Variants in ASIC1 observed in about 807,000 individuals in gnomAD.
The protein encoded by ASIC1 is acid-sensing ion channel 1.
ASIC1 carries 21 observed loss-of-function variants against 63.4 expected under a neutral mutation model. The ratio of observed to expected loss-of-function variants is 0.33; its 90% confidence interval spans 0.23 to 0.48. The LOEUF is 0.48. ASIC1 is among the 20% of genes least tolerant of loss of function. ASIC1 has a pLI of 0.99. For missense variants in ASIC1, 478 were observed against 695.5 expected (o/e 0.69, Z 3.52); for synonymous variants, 258 against 278.2 (o/e 0.93, Z 0.72).
At chr12:50,061,743 T>C (rs920737663) in intron 3 of ASIC1, among the ~76,000 whole-genome samples, 1 of 152,348 alleles carries the variant, frequency 6.6e-6, no homozygotes, top group African/African-American at 2.4e-5. Context: ...TGAGGCTCCA[T>C]CTGTCCATCA....
chr12:50,074,010 T>C lies in ASIC1; in HGVS notation c.559-3203T>C. The stretch of plus-strand genomic sequence containing the variant: ...CGGCAGTCACCCTCTGCAACACTAA[T>C]GCTGTGCGGCTGTCCCAGCTCAGCT... On this transcript the variant is annotated intron_variant, in intron 3 of 11. Coordinates refer to ENST00000447966, the MANE Select transcript of ASIC1 (RefSeq NM_001095.4). This position sits in a 1 kb window ranked among gnomAD's most constrained non-coding sequence, Gnocchi z 4.2. 1 of 1,535,364 alleles carries C rather than the reference T, an allele frequency of 6.5e-7. No homozygotes were observed. Among genetic ancestry groups the C allele is most frequent in the Non-Finnish European group, 8.7e-7 (1 of 1,146,360 alleles).
Position 50,078,013 on chromosome 12 carries a change from C to T in ASIC1, c.723C>T (p.Phe241=), listed in dbSNP as rs775463015. 9 of 1,612,780 alleles carry T rather than the reference C, an allele frequency of 5.6e-6. No individual in the cohort carries two copies. The East Asian group carries it at 6.7e-5, about 12-fold the overall frequency. Residue 241 remains phenylalanine (F), a synonymous_variant, in exon 5 of 12, where the codon TTC becomes TTT. Coordinates refer to ENST00000447966, the MANE Select transcript of ASIC1 (RefSeq NM_001095.4). The surrounding 1 kb of genome is among the most constrained non-coding windows in gnomAD (Gnocchi z 6.0). ...PVWGETDETS[F]EAGIKVQIHS... is the part of the protein sequence containing the mutation. ...TCATTCCCCTAGACGAGACGTCCTT[C>T]GAAGCAGGCATCAAAGTGCAGATCC...
Position 50,078,595 on chromosome 12 carries a change from G to C in ASIC1, c.994+18G>C, listed in dbSNP as rs570403648. ...CATGCCAGGTCAGGCCTGGGGCTCCGAGCATACTCCTGGGGTCCCTGGGCC... is the reference window on the plus strand; with the variant it reads ...CATGCCAGGTCAGGCCTGGGGCTCCCAGCATACTCCTGGGGTCCCTGGGCC... On this transcript the variant is annotated intron_variant, in intron 6 of 11. Coordinates refer to ENST00000447966, the MANE Select transcript of ASIC1 (RefSeq NM_001095.4). This position sits in a 1 kb window ranked among gnomAD's most constrained non-coding sequence, Gnocchi z 6.0. 1 of 1,613,394 alleles carries C rather than the reference G, an allele frequency of 6.2e-7. No homozygotes were observed. The highest frequency in any genetic ancestry group is 1.3e-5 in the African/African-American group (1 of 74,914).
intron 3 of ASIC1, chr12:50,076,910 T>C: frequency 1.9e-6 from 1 of 536,928 alleles, no homozygotes; most frequent in Non-Finnish European, 3.6e-6. Context: ...CATACCCCAA[T>C]CTTTCCTCCT....
intron 4 of ASIC1, among the ~76,000 whole-genome samples, chr12:50,077,625 C>T (rs1352357559): frequency 6.6e-6 from 1 of 151,964 alleles, no homozygotes; most frequent in South Asian, 2.1e-4. Flanking sequence ...AACTCCCTCT[C>T]TTCTCGGGCT....
At chr12:50,061,660 A>C (rs1177965956) in intron 3 of ASIC1, among the ~76,000 whole-genome samples, 1 of 152,214 alleles carries the variant, frequency 6.6e-6, no homozygotes, top group Non-Finnish European at 1.5e-5. Flanking sequence ...TGAGGGAGAG[A>C]AGTGCTTGGC....
At chr12:50,066,299 G>T (rs1950545102) in intron 3 of ASIC1, among the ~76,000 whole-genome samples, 1 of 152,124 alleles carries the variant, frequency 6.6e-6, no homozygotes, top group Non-Finnish European at 1.5e-5. Flanking sequence ...TCACACAGCT[G>T]GGAAATGACA....
Position 50,079,994 on chromosome 12 carries a change from C to T in ASIC1, c.1144C>T (p.Pro382Ser). 6.2e-7 allele frequency: 1 copy of T among 1,614,060 alleles called. No individual in the cohort carries two copies. The highest frequency in any genetic ancestry group is 8.5e-7 in the Non-Finnish European group (1 of 1,179,998). Residue 382 changes from proline to serine, a missense_variant, in exon 8 of 12, where the codon CCC becomes TCC. This residue lies in a region of ASIC1 where 84 missense variants were observed against 183.5 expected (regional missense o/e 0.46). Transcript: ENST00000447966. Reference sequence around the variant, plus strand: ...CAAAGAGCTGTCCATGGTCAAGATCCCCAGCAAAGCCTCAGCCAAGTACCT... The same window carrying T: ...CAAAGAGCTGTCCATGGTCAAGATCTCCAGCAAAGCCTCAGCCAAGTACCT... ...YGKELSMVKIPSKASAKYLAK... is the reference protein window; with the variant it reads ...YGKELSMVKISSKASAKYLAK...
chr12:50,070,389 GGTGTGTGTGTGTTGGGGCGT>G (rs1239456851), intron 3 of ASIC1, among the ~76,000 whole-genome samples: 3 of 151,250 alleles, frequency 2.0e-5, no homozygotes, highest in African/African-American at 2.4e-5. Context: ...TGCGTGTTGG[GGTGTGTGTGTGTTGGGGCGT>G]GTGTGTGTGT....
intron 8 of ASIC1, 184 bp from the exon 9 acceptor site, chr12:50,080,314 G>A (rs1401950184): frequency 3.9e-6 from 3 of 767,634 alleles, no homozygotes; most frequent in African/African-American, 3.5e-5. Context: ...TACTGCATAT[G>A]GTACAGAACA....
chr12:50,078,737 C>G lies in ASIC1; in HGVS notation c.994+160C>G. On this transcript the variant is annotated intron_variant, in intron 6 of 11. Coordinates refer to ENST00000447966, the MANE Select transcript of ASIC1 (RefSeq NM_001095.4). The surrounding 1 kb of genome is among the most constrained non-coding windows in gnomAD (Gnocchi z 6.0). ...CTGACCTCAGTTCCCGCCTGCACCCCCAGGGATGGGTGGGAAGGGTCTAGA... is the reference window on the plus strand; with the variant it reads ...CTGACCTCAGTTCCCGCCTGCACCCGCAGGGATGGGTGGGAAGGGTCTAGA... 1 of 1,359,184 alleles carries G rather than the reference C, an allele frequency of 7.4e-7. No individual in the cohort carries two copies. The highest frequency in any genetic ancestry group is 1.0e-6 in the Non-Finnish European group (1 of 965,776). The allele number at this position is 1,359,184 out of a possible 1,614,324, so 84.2% of individuals were successfully genotyped here.
intron 3 of ASIC1, among the ~76,000 whole-genome samples, chr12:50,063,054 T>C (rs1950514812): frequency 6.6e-6 from 1 of 152,144 alleles, no homozygotes; most frequent in African/African-American, 2.4e-5. Context: ...GCAACCACAG[T>C]GACCCAACCA....
chr12:50,068,657 C>T (rs980652080), intron 3 of ASIC1, among the ~76,000 whole-genome samples: 1 of 151,596 alleles, frequency 6.6e-6, no homozygotes, highest in Non-Finnish European at 1.5e-5. Flanking sequence ...TCAAAACCTG[C>T]ATGTGCAAAA....
chr12:50,059,265 C>CA lies in ASIC1; in HGVS notation c.362+138dup. On this transcript the variant is annotated intron_variant, in intron 2 of 11. Transcript: ENST00000447966. The surrounding 1 kb of genome is among the most constrained non-coding windows in gnomAD (Gnocchi z 4.6). The stretch of plus-strand genomic sequence containing the variant: ...CACCCCCACCCCCAAACCTGCCACT[C>CA]ACAGCAGAGGAGTTAGGGTGCTGCT... 1 of 1,284,988 alleles carries CA rather than the reference C, an allele frequency of 7.8e-7. No homozygotes were observed. Among genetic ancestry groups the CA allele is most frequent in the Non-Finnish European group, 1.1e-6 (1 of 945,670 alleles). The allele number at this position is 1,284,988 out of a possible 1,614,324, so 79.6% of individuals were successfully genotyped here.
At position 50,078,103 on chromosome 12, in the gene ASIC1, C is replaced by A; in HGVS notation, c.813C>A (p.Thr271=). ...LGFGVAPGFQ[T]FVACQEQRLI... The stretch of plus-strand genomic sequence containing the variant: ...TTGGCGTGGCCCCAGGCTTCCAGAC[C>A]TTTGTGGCCTGCCAGGAGCAGCGGG... The change falls in exon 5 of 12, where the codon ACC becomes ACA. Residue 271 remains threonine (T), a synonymous_variant. Transcript: ENST00000447966. This position sits in a 1 kb window ranked among gnomAD's most constrained non-coding sequence, Gnocchi z 6.0. 1.2e-6 allele frequency: 2 copies of A among 1,613,896 alleles called. No individual in the cohort carries two copies. The highest frequency in any genetic ancestry group is 1.7e-6 in the Non-Finnish European group (2 of 1,179,886).
At chr12:50,062,355 C>T (rs890508338) in intron 3 of ASIC1, among the ~76,000 whole-genome samples, 21 of 152,188 alleles carry the variant, frequency 1.4e-4, no homozygotes, top group Non-Finnish European at 1.9e-4. Context: ...GTGTCTCTAG[C>T]CCTGGGCAGA....
chr12:50,076,516 C>T (rs1950656582), intron 3 of ASIC1, among the ~76,000 whole-genome samples: 1 of 150,654 alleles, frequency 6.6e-6, no homozygotes, highest in South Asian at 2.1e-4. Context: ...ATTTCAGATT[C>T]CCAGAGTGAA....
In ASIC1 at chr12:50,059,171, C is replaced by G; in HGVS notation, c.362+43C>G. On this transcript the variant is annotated intron_variant, in intron 2 of 11. Coordinates refer to ENST00000447966, the MANE Select transcript of ASIC1 (RefSeq NM_001095.4). The surrounding 1 kb of genome is among the most constrained non-coding windows in gnomAD (Gnocchi z 4.6). ...TCCCTCAGCCCTGCTCCTGGAGTTG[C>G]TTGAGTTCCAGTCAGGATGTCTGCC... 1.3e-6 allele frequency: 2 copies of G among 1,596,596 alleles called. No homozygotes were observed. The highest frequency in any genetic ancestry group is 1.7e-6 in the Non-Finnish European group (2 of 1,172,472).
At chr12:50,069,799 AG>A (rs1455178094) in intron 3 of ASIC1, among the ~76,000 whole-genome samples, 2 of 151,984 alleles carry the variant, frequency 1.3e-5, no homozygotes, top group Non-Finnish European at 2.9e-5. Context: ...AAGCTCCATG[AG>A]GGCAGGTCCA....
Sources: gnomAD v4.1 joint callset for allele counts (sites outside exome capture counted in the v4.1 genomes callset) on GRCh38, gnomAD v4.1.1 for gene constraint, gnomAD v4.1.1 regional missense constraint, Gnocchi (gnomAD v3.1) non-coding constraint, MANE v1.5 for transcripts, NCBI Gene and HGNC (gene_info 2026-07-23, HGNC 2026-07-21) for gene names.